CCNJL: variants seen among roughly 807,000 people sequenced by gnomAD.
The protein encoded by CCNJL is cyclin J like, also known as cyclin-J-like protein.
A neutral mutation model predicts 33.4 loss-of-function variants in CCNJL; 33 were observed. That is an observed-to-expected ratio of 0.99 (90% CI 0.75 to 1.32). The LOEUF (loss-of-function observed/expected upper bound fraction) is 1.32, where lower values mean the gene tolerates loss of function less well. Among genes scored for constraint, CCNJL ranks in the 40% most tolerant of loss-of-function variants. The pLI is 0.00. For missense variants in CCNJL, 512 were observed against 499.7 expected (o/e 1.02, Z -0.23); for synonymous variants, 227 against 220.9 (o/e 1.03, Z -0.24).
At chr5:160,333,124 A>ATTT (rs1013125021) in intron 1 of CCNJL, among the ~76,000 whole-genome samples, 2 of 143,370 alleles carry the variant, frequency 1.4e-5, no homozygotes. Context: ...GTCTCTACAA[A>ATTT]TTTTTTTTTT....
In CCNJL at chr5:160,263,730, T is replaced by A. The variant is rs574704125; in HGVS notation, c.281-3959A>T. 3.9e-5 allele frequency among the ~76,000 whole-genome samples: 6 copies of A among 152,290 alleles called. No individual in the cohort carries two copies. In the East Asian group the frequency reaches 1.2e-3, roughly 29 times the overall value. ...CAAGGTACCAGCTTCCCTGGGAAAT[T>A]AATAAATAATCTGGGAGGGCACACT... On this transcript the variant is annotated intron_variant, in intron 3 of 5. Transcript: ENST00000257536.
chr5:160,339,372 CAAAAAA>C, intron 1 of CCNJL: 1 of 298,406 alleles, frequency 3.4e-6, no homozygotes, highest in South Asian at 2.8e-5. Context: ...AAAAAAAAAA[CAAAAAA>C]AAACGCCAAA....
intron 2 of CCNJL, among the ~76,000 whole-genome samples, chr5:160,284,284 G>A (rs902703311): frequency 1.3e-5 from 2 of 152,092 alleles, no homozygotes; most frequent in African/African-American, 2.4e-5. Context: ...CACAGGAGGA[G>A]GAGGCTGCAG....
Position 160,251,484 on chromosome 5 carries a change from C to CT in CCNJL, c.*1893dup, listed in dbSNP as rs1200335000. 1.3e-5 allele frequency: 2 copies of CT among 152,246 alleles called. No homozygotes were observed. The highest frequency in any genetic ancestry group is 1.3e-4 in the Admixed American group (2 of 15,290). 9.4% of individuals were successfully genotyped at this position (152,246 alleles called of 1,614,324 possible). ...GCCTTATACACCCCTCCGCTGGCCT[C>CT]TGTGTGCCCAGGGAGGCCCAGCTCC... On this transcript the variant is annotated 3_prime_UTR_variant, in exon 6 of 6. Transcript: ENST00000257536.
intron 2 of CCNJL, among the ~76,000 whole-genome samples, chr5:160,295,350 A>G (rs922418573): frequency 5.3e-5 from 8 of 152,166 alleles, no homozygotes; most frequent in Non-Finnish European, 1.2e-4. Context: ...TTAGCTGGGC[A>G]TGGTGGTGCA....
At chr5:160,255,115 C>T (rs1167007853) in intron 5 of CCNJL, 1 of 152,772 alleles carries the variant, frequency 6.5e-6, no homozygotes. Context: ...GAGTTCAAGA[C>T]CAGCCTGACC....
intron 2 of CCNJL, among the ~76,000 whole-genome samples, chr5:160,293,321 G>T (rs1018582165): frequency 6.6e-6 from 1 of 152,176 alleles, no homozygotes; most frequent in African/African-American, 2.4e-5. Context: ...CAGCTACTTG[G>T]GAGGCTGAAA....
intron 1 of CCNJL, among the ~76,000 whole-genome samples, chr5:160,334,200 C>T (rs942375281): frequency 1.3e-5 from 2 of 152,174 alleles, no homozygotes; most frequent in African/African-American, 4.8e-5. Context: ...TTCACTGCCT[C>T]GCCCACCGCT....
intron 2 of CCNJL, among the ~76,000 whole-genome samples, chr5:160,299,750 G>A (rs1762866717): frequency 6.6e-6 from 1 of 151,606 alleles, no homozygotes; most frequent in Non-Finnish European, 1.5e-5. Context: ...CCACATTTGT[G>A]TTATCTTTTT....
chr5:160,254,298 G>C, intron 5 of CCNJL: 9 of 661,820 alleles, frequency 1.4e-5, no homozygotes, highest in Non-Finnish European at 2.4e-5. Flanking sequence ...CAACCAAATT[G>C]ACCGCTGGGG....
intron 4 of CCNJL, among the ~76,000 whole-genome samples, chr5:160,257,544 G>A (rs1761122986): frequency 1.3e-5 from 2 of 151,994 alleles, no homozygotes; most frequent in Non-Finnish European, 2.9e-5. Flanking sequence ...TGGGTGTGGT[G>A]GCTCACGCCT....
At chr5:160,289,714 C>T (rs1210387395) in intron 2 of CCNJL, among the ~76,000 whole-genome samples, 1 of 152,202 alleles carries the variant, frequency 6.6e-6, no homozygotes, top group Non-Finnish European at 1.5e-5. Flanking sequence ...ACCTAAGCTA[C>T]ACGGAGAGAC....
At chr5:160,303,745 TA>T (rs1488597886) in intron 2 of CCNJL, among the ~76,000 whole-genome samples, 10 of 149,324 alleles carry the variant, frequency 6.7e-5, no homozygotes, top group Admixed American at 4.7e-4. Context: ...TGTGTGTGTG[TA>T]ATAACTCAAA....
chr5:160,326,473 T>A, intron 1 of CCNJL, among the ~76,000 whole-genome samples: 1 of 109,990 alleles, frequency 9.1e-6, no homozygotes, highest in African/African-American at 3.7e-5. Context: ...GCGACAGAGC[T>A]AGACTCTGTC....
rs1220913950 is a variant in CCNJL, at chr5:160,251,987, G to A, written c.*1391C>T. Reference sequence around the variant, plus strand: ...TCAGCAGCAGACAGCTGCCTTCCTGGCGGCCCCTGCCACAGTCTCCAGGAC... The same window carrying A: ...TCAGCAGCAGACAGCTGCCTTCCTGACGGCCCCTGCCACAGTCTCCAGGAC... On this transcript the variant is annotated 3_prime_UTR_variant, in exon 6 of 6. Coordinates refer to ENST00000257536, the MANE Select transcript of CCNJL (RefSeq NM_001308173.3). 2 of 152,242 alleles carry A rather than the reference G, an allele frequency of 1.3e-5. No individual in the cohort carries two copies. The highest frequency in any genetic ancestry group is 2.4e-5 in the African/African-American group (1 of 41,432). The allele number at this position is 152,242 out of a possible 1,614,324, so 9.4% of individuals were successfully genotyped here.
At chr5:160,319,929 A>T (rs928256880) in intron 1 of CCNJL, among the ~76,000 whole-genome samples, 24 of 149,926 alleles carry the variant, frequency 1.6e-4, no homozygotes, top group Admixed American at 6.0e-4. Context: ...CAATAAATAA[A>T]TAATAAATAA....
At chr5:160,253,888 A>AAG (rs1256661621) in intron 5 of CCNJL, 90 bp from the exon 6 acceptor site, 15 of 1,007,308 alleles carry the variant, frequency 1.5e-5, no homozygotes, top group Non-Finnish European at 1.0e-5. Context: ...GTGGGACTGG[A>AAG]AGAGATGCGT....
chr5:160,288,586 A>C (rs1339603581), intron 2 of CCNJL, among the ~76,000 whole-genome samples: 2 of 152,144 alleles, frequency 1.3e-5, no homozygotes, highest in African/African-American at 4.8e-5. Context: ...AAAAAGAATA[A>C]CCAGCCAGGT....
chr5:160,315,527 A>G, upstream of CCNJL: 1 of 303,124 alleles, frequency 3.3e-6, no homozygotes, highest in South Asian at 2.4e-5. Flanking sequence ...AACAAAAACA[A>G]GAGAAAGAAT....
Sources: gnomAD v4.1 joint callset for allele counts (sites outside exome capture counted in the v4.1 genomes callset) on GRCh38, gnomAD v4.1.1 for gene constraint, MANE v1.5 for transcripts, NCBI Gene and HGNC (gene_info 2026-07-23, HGNC 2026-07-21) for gene names.